Variants in PIWIL4 observed in about 807,000 individuals in gnomAD.
PIWIL4 encodes the protein piwi-like protein 4.
Under a neutral mutation model 100.9 loss-of-function variants are expected in PIWIL4, and 50 were observed. The ratio of observed to expected loss-of-function variants is 0.50; its 90% confidence interval spans 0.39 to 0.63. The LOEUF (loss-of-function observed/expected upper bound fraction) is 0.63. Ranked by LOEUF, PIWIL4 falls within the 20% of genes least tolerant of loss-of-function variation. PIWIL4 has a pLI of 0.00. For synonymous variants in PIWIL4, 342 were observed against 367.5 expected (o/e 0.93, Z 0.79); for missense variants, 887 against 1,043.3 (o/e 0.85, Z 2.06).
At chr11:94,610,142 G>T (rs1291053963) in intron 15 of PIWIL4, among the ~76,000 whole-genome samples, 1 of 151,750 alleles carries the variant, frequency 6.6e-6, no homozygotes, top group Non-Finnish European at 1.5e-5. Context: ...TTTGTGTCTG[G>T]CTTATTTTAC....
At position 94,589,116 on chromosome 11, in the gene PIWIL4, G is replaced by C. The variant is rs1260756091; in HGVS notation, c.915-5G>C. 1 of 1,585,610 alleles carries C rather than the reference G, an allele frequency of 6.3e-7. No individual in the cohort carries two copies. Among genetic ancestry groups the C allele is most frequent in the Non-Finnish European group, 8.6e-7 (1 of 1,156,526 alleles). ...AACAATTTAAAGACTTTTTATATTT[G>C]GCAGATACAATAACAGAACCTACTC... On this transcript the variant is annotated splice_polypyrimidine_tract_variant and splice_region_variant and intron_variant, in intron 7 of 19. Transcript: ENST00000299001.
intron 10 of PIWIL4, among the ~76,000 whole-genome samples, chr11:94,597,354 A>T (rs1020193731): frequency 7.9e-5 from 12 of 152,226 alleles, no homozygotes; most frequent in Non-Finnish European, 1.5e-4. Flanking sequence ...ATCAGGAATG[A>T]TAATATCTCA....
chr11:94,618,288 T>C (rs1400568084), intron 17 of PIWIL4, among the ~76,000 whole-genome samples, 181 bp downstream of exon 17: 3 of 152,170 alleles, frequency 2.0e-5, no homozygotes, highest in African/African-American at 7.2e-5. Flanking sequence ...TGGGATGGTC[T>C]AACATAAATA....
chr11:94,573,611 A>G (rs1181052435), intron 2 of PIWIL4, among the ~76,000 whole-genome samples: 1 of 152,166 alleles, frequency 6.6e-6, no homozygotes, highest in Non-Finnish European at 1.5e-5. Context: ...GCGTGTGTTG[A>G]ACCAGCCTTG....
chr11:94,605,103 C>G (rs1948697930), intron 13 of PIWIL4, among the ~76,000 whole-genome samples: 2 of 152,160 alleles, frequency 1.3e-5, no homozygotes, highest in Non-Finnish European at 2.9e-5. Context: ...CCCCAGTGCC[C>G]TTGACTATTT....
intron 17 of PIWIL4, among the ~76,000 whole-genome samples, chr11:94,618,910 T>C (rs1035912917): frequency 6.6e-6 from 1 of 152,148 alleles, no homozygotes; most frequent in Non-Finnish European, 1.5e-5. Context: ...TTGGTGGCAG[T>C]ATCATCTGCA....
At chr11:94,567,790 G>C in intron 1 of PIWIL4, 185 bp downstream of exon 1, 1 of 1,233,246 alleles carries the variant, frequency 8.1e-7, no homozygotes, top group Non-Finnish European at 1.0e-6. Context: ...TCTTGTCTGA[G>C]TAAGATATTA....
chr11:94,601,199 T>A (rs1263147021), intron 11 of PIWIL4, among the ~76,000 whole-genome samples: 2 of 152,010 alleles, frequency 1.3e-5, no homozygotes, highest in Non-Finnish European at 2.9e-5. Context: ...AACACTGCAG[T>A]AAAGACAGGC....
chr11:94,571,952 G>T (rs909201276), intron 2 of PIWIL4, among the ~76,000 whole-genome samples: 1 of 152,156 alleles, frequency 6.6e-6, no homozygotes, highest in Non-Finnish European at 1.5e-5. Flanking sequence ...AGCACCTGTG[G>T]TTTCCTGACT....
chr11:94,603,114 CTGA>C (rs1364016921), intron 12 of PIWIL4, among the ~76,000 whole-genome samples: 8 of 152,064 alleles, frequency 5.3e-5, no homozygotes, highest in Non-Finnish European at 8.8e-5. Flanking sequence ...AAACATTCAC[CTGA>C]TGATTTTAGG....
In PIWIL4 at chr11:94,569,566, C is replaced by T. The variant is rs530084514; in HGVS notation, c.166+758C>T. Among the ~76,000 whole-genome samples the T allele has an allele frequency of 2.0e-5, 3 of 152,250 alleles. No individual in the cohort carries two copies. The East Asian group carries it at 5.8e-4, about 29-fold the overall frequency. The stretch of plus-strand genomic sequence containing the variant: ...GCTAATTTTGTATTTTTAGTAGAGA[C>T]AGGGTTTCTCCATGTTGGTCAGGCT... On this transcript the variant is annotated intron_variant, in intron 2 of 19. Coordinates refer to ENST00000299001, the MANE Select transcript of PIWIL4 (RefSeq NM_152431.3).
At position 94,619,861 on chromosome 11, in the gene PIWIL4, A is replaced by AT. The variant is rs988538561; in HGVS notation, c.2272dup (p.Ser758PhefsTer6). 2.5e-6 allele frequency: 4 copies of AT among 1,614,086 alleles called. No individual in the cohort carries two copies. The highest frequency in any genetic ancestry group is 3.4e-6 in the Non-Finnish European group (4 of 1,180,034). On this transcript the variant is annotated frameshift_variant, in exon 18 of 20. Transcript: ENST00000299001. LOFTEE classifies it high-confidence loss of function. ...AACCCCCCACTTGGCACTGTTGTGG[A>AT]TTCAGAAGCAACACGTAACGAATGG...
In PIWIL4 at chr11:94,618,072, GC is replaced by G. The variant is rs1565285630; in HGVS notation, c.2134del (p.Leu712Ter). 1 of 1,595,964 alleles carries G rather than the reference GC, an allele frequency of 6.3e-7. No homozygotes were observed. The highest frequency in any genetic ancestry group is 1.1e-5 in the South Asian group (1 of 88,588). ...TLIEYEVPQL[L>X]SSVAESSSNT... ...TTATTGAATATGAAGTCCCACAGCT[GC>G]TGAGCAGTGTGGCAGAATCCAGCTC... is the stretch of plus-strand genomic sequence containing the variant. On this transcript the variant is annotated frameshift_variant, in exon 17 of 20. Transcript: ENST00000299001. LOFTEE classifies it high-confidence loss of function.
chr11:94,567,809 A>G lies in PIWIL4; in HGVS notation c.87+204A>G, dbSNP rs1336297805. 3.3e-6 allele frequency: 4 copies of G among 1,197,638 alleles called. No individual in the cohort carries two copies. The African/African-American group carries it at 4.7e-5, about 14-fold the overall frequency. 74.2% of individuals were successfully genotyped at this position (1,197,638 alleles called of 1,614,324 possible). The stretch of plus-strand genomic sequence containing the variant: ...GTCTGAGTAAGATATTAACGTAGGT[A>G]TATTAGCCAGTAAAGAGGACTGAAG... On this transcript the variant is annotated intron_variant, in intron 1 of 19. Transcript: ENST00000299001.
intron 8 of PIWIL4, 22 bp from the exon 9 acceptor site, chr11:94,593,496 T>G (rs545301118): frequency 8.1e-6 from 13 of 1,607,716 alleles, no homozygotes; most frequent in Non-Finnish European, 1.1e-5. Context: ...AACTTTTTAC[T>G]TATTAATCTT....
At chr11:94,584,981 G>A (rs1052577432) in intron 5 of PIWIL4, among the ~76,000 whole-genome samples, 2 of 152,170 alleles carry the variant, frequency 1.3e-5, no homozygotes, top group Admixed American at 6.5e-5. Flanking sequence ...CAAGAGAATC[G>A]CTTAACCCGG....
Position 94,607,556 on chromosome 11 carries a change from G to A in PIWIL4, c.1756G>A (p.Gly586Ser), listed in dbSNP as rs1445646963. 3.7e-6 allele frequency: 6 copies of A among 1,613,990 alleles called. No homozygotes were observed. Among genetic ancestry groups the A allele is most frequent in the Non-Finnish European group, 4.2e-6 (5 of 1,179,994 alleles). Reference protein sequence around the residue: ...CVLARTLNKQGMMMSIATKIA... With the variant: ...CVLARTLNKQSMMMSIATKIA... ...GCTTGCTCGGACCTTGAATAAACAGGGCATGATGATGAGTATCGCCACCAA... is the reference window on the plus strand; with the variant it reads ...GCTTGCTCGGACCTTGAATAAACAGAGCATGATGATGAGTATCGCCACCAA... Residue 586 changes from glycine (G) to serine (S), a missense_variant, in exon 14 of 20, where the codon GGC becomes AGC. Gly to Ser is a moderately conservative substitution (Grantham distance 56). Around this residue, in one of 2 missense-constraint regions of PIWIL4, gnomAD observed 741 missense variants for 930.0 expected, o/e 0.80. Coordinates refer to ENST00000299001, the MANE Select transcript of PIWIL4 (RefSeq NM_152431.3).
At chr11:94,608,714 C>G in intron 15 of PIWIL4, 28 bp downstream of exon 15, 1 of 1,558,858 alleles carries the variant, frequency 6.4e-7, no homozygotes, top group Non-Finnish European at 8.8e-7. Context: ...TGAACACATG[C>G]TTCATTTAGT....
chr11:94,572,005 T>C (rs1948161906), intron 2 of PIWIL4, among the ~76,000 whole-genome samples: 2 of 152,238 alleles, frequency 1.3e-5, no homozygotes, highest in Non-Finnish European at 2.9e-5. Flanking sequence ...TGGCATCTCA[T>C]TGTGGTTTTG....
Sources: allele counts gnomAD v4.1 joint callset (sites outside exome capture counted in the v4.1 genomes callset), GRCh38; gene constraint gnomAD v4.1.1; regional missense constraint gnomAD v4.1.1; transcripts MANE v1.5; gene names NCBI Gene and HGNC (gene_info 2026-07-23, HGNC 2026-07-21).